The following KCNN2 variants were observed in gnomAD, a reference collection of about 807,000 sequenced individuals.
KCNN2 encodes small conductance calcium-activated potassium channel protein 2.
Under a neutral mutation model 55.5 loss-of-function variants are expected in KCNN2, and 24 were observed. The ratio of observed to expected loss-of-function variants is 0.43; its 90% confidence interval spans 0.31 to 0.61. The LOEUF is 0.61. Ranked by LOEUF, KCNN2 falls within the 20% of genes least tolerant of loss-of-function variation. The pLI is 0.08. For synonymous variants in KCNN2, 431 were observed against 336.1 expected (o/e 1.28, Z -3.09); for missense variants, 754 against 853.6 (o/e 0.88, Z 1.45).
intron 6 of KCNN2, among the ~76,000 whole-genome samples, chr5:114,489,784 A>G (rs1747759356): frequency 1.3e-5 from 2 of 152,162 alleles, no homozygotes; most frequent in Non-Finnish European, 1.5e-5. Flanking sequence ...CAAGGCTTCC[A>G]TTGCCCACTG....
Position 114,258,305 on chromosome 5 carries a change from T to C in KCNN2, c.-185+36740T>C, listed in dbSNP as rs555094682. Among the ~76,000 whole-genome samples, 51 of 152,294 alleles carry C rather than the reference T, an allele frequency of 3.3e-4. 3 individuals carry two copies. In the South Asian group the frequency reaches 0.01, roughly 30 times the overall value. On this transcript the variant is annotated intron_variant, in intron 2 of 10. Transcript: ENST00000512097. ...TCAGTGATATTACTCTGTAGTTTTT[T>C]ACTTTTTAGTGTGTTCTTACCTGGC... is the stretch of plus-strand genomic sequence containing the variant.
At chr5:114,494,400 A>G (rs1034241826) in intron 7 of KCNN2, among the ~76,000 whole-genome samples, 6 of 150,588 alleles carry the variant, frequency 4.0e-5, no homozygotes, top group Non-Finnish European at 7.4e-5. Flanking sequence ...AACACATACT[A>G]GATGTTGAAG....
At chr5:114,485,025 G>A (rs917471275) in intron 5 of KCNN2, among the ~76,000 whole-genome samples, 4 of 152,146 alleles carry the variant, frequency 2.6e-5, no homozygotes, top group African/African-American at 9.7e-5. Flanking sequence ...ATATACCCAA[G>A]AGAAGGAATC....
chr5:114,212,253 A>G (rs566161766), intron 1 of KCNN2, among the ~76,000 whole-genome samples: 121 of 152,172 alleles, frequency 8.0e-4, no homozygotes, highest in African/African-American at 2.9e-3. Context: ...TAGTACTGCT[A>G]AACCTTGAAA....
intron 1 of KCNN2, among the ~76,000 whole-genome samples, chr5:114,139,850 G>A (rs973555429): frequency 1.1e-4 from 17 of 151,682 alleles, no homozygotes; most frequent in Admixed American, 2.0e-4. Context: ...TAAATGGAAC[G>A]ACAATTAAAA....
At chr5:114,356,542 G>A (rs1432096760) in intron 2 of KCNN2, among the ~76,000 whole-genome samples, 1 of 152,074 alleles carries the variant, frequency 6.6e-6, no homozygotes, top group Non-Finnish European at 1.5e-5. Flanking sequence ...TGGCATTGCA[G>A]AGACTTTTAT....
At chr5:114,427,154 C>T (rs1313798506) in intron 3 of KCNN2, among the ~76,000 whole-genome samples, 1 of 152,204 alleles carries the variant, frequency 6.6e-6, no homozygotes, top group Non-Finnish European at 1.5e-5. Context: ...GCACCTTCTC[C>T]TCTTTCAAGA....
chr5:114,442,299 C>T (rs2150095661), intron 3 of KCNN2, among the ~76,000 whole-genome samples: 1 of 151,222 alleles, frequency 6.6e-6, no homozygotes, highest in African/African-American at 2.4e-5. Flanking sequence ...GAGAGAGAGT[C>T]AATATTTGTA....
In KCNN2 at chr5:114,349,960, A is replaced by G. The variant is rs542527410; in HGVS notation, c.-184-10985A>G. Among the ~76,000 whole-genome samples, 13 of 152,142 alleles carry G rather than the reference A, an allele frequency of 8.5e-5. No homozygotes were observed. The East Asian group carries it at 2.5e-3, about 29-fold the overall frequency. ...ATAGGCATCCTAGTGGGTGTGAAGT[A>G]TCAAATTGTGGTTTCGATTTGCATT... On this transcript the variant is annotated intron_variant, in intron 2 of 10. Coordinates refer to the KCNN2 transcript ENST00000512097.
chr5:114,157,098 G>A (rs1580567869), intron 1 of KCNN2, among the ~76,000 whole-genome samples: 2 of 151,726 alleles, frequency 1.3e-5, no homozygotes, highest in South Asian at 2.1e-4. Context: ...TTTGTGTGCT[G>A]CACCCATTGA....
chr5:114,158,091 T>A (rs1043512691), intron 1 of KCNN2, among the ~76,000 whole-genome samples: 1 of 152,212 alleles, frequency 6.6e-6, no homozygotes, highest in Non-Finnish European at 1.5e-5. Flanking sequence ...GCCTATGGCC[T>A]GAATGGTATT....
intron 1 of KCNN2, among the ~76,000 whole-genome samples, chr5:114,150,273 C>T (rs1325338898): frequency 2.6e-5 from 4 of 152,150 alleles, no homozygotes; most frequent in Non-Finnish European, 4.4e-5. Flanking sequence ...GTAACCAAAA[C>T]AACATGGTAC....
At chr5:114,175,935 A>G (rs143922720) in intron 1 of KCNN2, among the ~76,000 whole-genome samples, 4 of 152,342 alleles carry the variant, frequency 2.6e-5, no homozygotes, top group African/African-American at 9.6e-5. Flanking sequence ...TTCAAAGGCA[A>G]TTGCTATACA....
intron 1 of KCNN2, among the ~76,000 whole-genome samples, chr5:114,182,983 A>G (rs1024621961): frequency 6.6e-6 from 1 of 152,130 alleles, no homozygotes; most frequent in African/African-American, 2.4e-5. Flanking sequence ...ATTAAATAAA[A>G]TGTTAGCTGT....
At chr5:114,182,935 T>C (rs2112555086) in intron 1 of KCNN2, among the ~76,000 whole-genome samples, 1 of 152,230 alleles carries the variant, frequency 6.6e-6, no homozygotes, top group Non-Finnish European at 1.5e-5. Context: ...TATCATTACC[T>C]TTTTTCACAA....
At chr5:114,265,702 G>C (rs926799053) in intron 2 of KCNN2, among the ~76,000 whole-genome samples, 1 of 152,136 alleles carries the variant, frequency 6.6e-6, no homozygotes, top group Non-Finnish European at 1.5e-5. Context: ...CTTATCCCAA[G>C]TCACCCGCAC....
chr5:114,063,504 C>G lies in KCNN2; in HGVS notation c.-271+7004C>G, dbSNP rs560950512. ...CTCAGTGTCTAGAGAACCACCCCCCCTCCAAATTTCCATTTCTAACAAAGG... is the reference window on the plus strand; with the variant it reads ...CTCAGTGTCTAGAGAACCACCCCCCGTCCAAATTTCCATTTCTAACAAAGG... On this transcript the variant is annotated intron_variant, in intron 1 of 10. Coordinates refer to the KCNN2 transcript ENST00000512097. Among the ~76,000 whole-genome samples the G allele has an allele frequency of 1.4e-3, 207 of 152,308 alleles. 2 individuals are homozygous for G. Among genetic ancestry groups the G allele is most frequent in the Non-Finnish European group, 2.5e-3 (167 of 68,024 alleles).
At chr5:114,146,056 A>C (rs1329266755) in intron 1 of KCNN2, among the ~76,000 whole-genome samples, 2 of 152,124 alleles carry the variant, frequency 1.3e-5, no homozygotes, top group Non-Finnish European at 2.9e-5. Context: ...GTTGATGTTC[A>C]CCTGGGGAAA....
At chr5:114,061,335 G>A (rs2632152) in intron 1 of KCNN2, among the ~76,000 whole-genome samples, 148,278 of 152,296 alleles carry the variant, frequency 0.97, 72,302 homozygotes, top group Middle Eastern at 1. Flanking sequence ...TAGTAATATG[G>A]TGGTCCCTTG....
Sources: gnomAD v4.1 joint callset for allele counts (sites outside exome capture counted in the v4.1 genomes callset) on GRCh38, gnomAD v4.1.1 for gene constraint, MANE v1.5 for transcripts, NCBI Gene and HGNC (gene_info 2026-07-23, HGNC 2026-07-21) for gene names.